The following SYNE2 variants were observed in gnomAD, a reference collection of about 807,000 sequenced individuals.
The protein encoded by SYNE2 is nesprin-2.
Under a neutral mutation model 856.3 loss-of-function variants are expected in SYNE2, and 431 were observed. That is an observed-to-expected ratio of 0.50 (90% CI 0.47 to 0.55). The LOEUF (loss-of-function observed/expected upper bound fraction) is 0.55, where lower values mean the gene tolerates loss of function less well. Ranked by LOEUF, SYNE2 falls within the 20% of genes least tolerant of loss-of-function variation. The probability of loss-of-function intolerance (pLI) is 0.00; values close to 1 mark genes in which losing one functional copy is unlikely to be tolerated. For missense variants in SYNE2, 8,129 were observed against 8,023.2 expected, an observed-to-expected ratio of 1.01 and a Z score of -0.50; for synonymous variants, 2,923 against 2,872.3, an observed-to-expected ratio of 1.02 and a Z score of -0.56.
At chr14:64,122,253 T>C (rs771745238) in intron 69 of SYNE2, 33 bp from the exon 70 acceptor site, 1 of 1,614,200 alleles carries the variant, frequency 6.2e-7, no homozygotes, top group Non-Finnish European at 8.5e-7. Context: ...TTAGTGTTGA[T>C]TATTCTCTTC....
At chr14:63,803,355 A>G (rs1888232850) in intron 1 of SYNE2, among the ~76,000 whole-genome samples, 1 of 152,162 alleles carries the variant, frequency 6.6e-6, no homozygotes, top group Non-Finnish European at 1.5e-5. Context: ...ACAGGAGCCC[A>G]TGGAGTGGGT....
intron 1 of SYNE2, among the ~76,000 whole-genome samples, chr14:63,788,919 T>C (rs534954053): frequency 4.7e-4 from 71 of 152,340 alleles, no homozygotes; most frequent in African/African-American, 1.6e-3. Context: ...CCCATGTTTA[T>C]TGCAGCACTG....
intron 1 of SYNE2, among the ~76,000 whole-genome samples, chr14:63,866,355 T>C (rs1183057859): frequency 6.6e-6 from 1 of 152,208 alleles, no homozygotes; most frequent in Non-Finnish European, 1.5e-5. Flanking sequence ...TACTAAGATT[T>C]GCATCTGTTT....
intron 19 of SYNE2, among the ~76,000 whole-genome samples, chr14:63,989,519 G>A (rs2096651115): frequency 6.6e-6 from 1 of 152,080 alleles, no homozygotes; most frequent in Non-Finnish European, 1.5e-5. Context: ...TGTATTTTTA[G>A]TAGAGGCTGG....
intron 21 of SYNE2, among the ~76,000 whole-genome samples, chr14:63,992,582 C>G (rs1352763699): frequency 1.3e-5 from 2 of 152,158 alleles, no homozygotes; most frequent in Non-Finnish European, 2.9e-5. Context: ...TGCCCAGCTT[C>G]TTGGCTCCTT....
Position 64,001,997 on chromosome 14 carries a change from C to G in SYNE2, c.3702C>G (p.Leu1234=), listed in dbSNP as rs2096758679. ...VLPVEKASLL[L]CGSDLPLHKM... is the part of the protein sequence containing the mutation. ...CTGTAGAGAAGGCATCACTTCTTCTCTGTGGCTCGGACCTGCCTCTCCATA... is the reference window on the plus strand; with the variant it reads ...CTGTAGAGAAGGCATCACTTCTTCTGTGTGGCTCGGACCTGCCTCTCCATA... The change falls in exon 29 of 116, where the codon CTC becomes CTG. Residue 1234 remains leucine, a synonymous_variant. Coordinates refer to ENST00000555002, the MANE Select transcript of SYNE2 (RefSeq NM_182914.3). 1 of 1,613,978 alleles carries G rather than the reference C, an allele frequency of 6.2e-7. No individual in the cohort carries two copies. The highest frequency in any genetic ancestry group is 8.5e-7 in the Non-Finnish European group (1 of 1,179,962).
chr14:64,152,244 G>T (rs900807203), intron 84 of SYNE2, among the ~76,000 whole-genome samples: 2 of 152,166 alleles, frequency 1.3e-5, no homozygotes, highest in Non-Finnish European at 2.9e-5. Flanking sequence ...AGAAAATGGA[G>T]ACTGAAAGGT....
chr14:63,994,970 T>C, intron 22 of SYNE2, 74 bp from the exon 23 acceptor site: 1 of 1,010,884 alleles, frequency 9.9e-7, no homozygotes, highest in Non-Finnish European at 1.4e-6. Context: ...TACACATATA[T>C]TTATTGTTAC....
At chr14:64,219,612 C>T (rs1381369728) in intron 110 of SYNE2, among the ~76,000 whole-genome samples, 1 of 152,166 alleles carries the variant, frequency 6.6e-6, no homozygotes, top group Non-Finnish European at 1.5e-5. Flanking sequence ...AGAGTATCTG[C>T]AAATGATCCT....
At position 63,999,489 on chromosome 14, in the gene SYNE2, A is replaced by G. The variant is rs187118911; in HGVS notation, c.3480+449A>G. Among the ~76,000 whole-genome samples the G allele has an allele frequency of 1.4e-4, 21 of 152,314 alleles. 1 individual carries two copies. The highest frequency in any genetic ancestry group is 1.3e-3 in the Admixed American group (20 of 15,306). ...ATCACATTGTCTAAAATTGCTGTAC[A>G]GTGATTGCTGACTGTCTGATGTTGG... On this transcript the variant is annotated intron_variant, in intron 27 of 115. Coordinates refer to ENST00000555002, the MANE Select transcript of SYNE2 (RefSeq NM_182914.3).
At chr14:64,022,705 A>C (rs775317563) in intron 37 of SYNE2, 46 bp from the exon 38 acceptor site, 1 of 944,978 alleles carries the variant, frequency 1.1e-6, no homozygotes, top group Admixed American at 1.9e-5. Context: ...AACAAGATGT[A>C]TGAAGTCTTC....
intron 41 of SYNE2, 87 bp downstream of exon 41, chr14:64,025,508 T>C: frequency 7.6e-7 from 1 of 1,308,008 alleles, no homozygotes; most frequent in Non-Finnish European, 1.1e-6. Flanking sequence ...ATGTGCTTCT[T>C]AATGGAAAAT....
At chr14:63,840,445 TCCTTCCTC>T (rs71120300) in intron 1 of SYNE2, among the ~76,000 whole-genome samples, 13,160 of 54,184 alleles carry the variant, frequency 0.24, 784 homozygotes, top group South Asian at 0.37. Context: ...CTTCCTTCCT[TCCTTCCTC>T]CCTCCCTCCC....
chr14:64,185,937 A>G (rs755309312), intron 96 of SYNE2, among the ~76,000 whole-genome samples: 2 of 152,256 alleles, frequency 1.3e-5, no homozygotes, highest in Non-Finnish European at 2.9e-5. Flanking sequence ...TATTTTCAAA[A>G]GTTAACCAAA....
chr14:64,006,933 A>T, intron 30 of SYNE2, 110 bp from the exon 31 acceptor site: 3 of 844,648 alleles, frequency 3.6e-6, no homozygotes, highest in Non-Finnish European at 4.0e-6. Context: ...TTTTGGCATT[A>T]ACCACATGAG....
intron 1 of SYNE2, among the ~76,000 whole-genome samples, chr14:63,874,758 G>A (rs577398529): frequency 7.9e-5 from 12 of 152,182 alleles, no homozygotes; most frequent in Admixed American, 2.6e-4. Context: ...TAAAAGTTTG[G>A]AAAACAAGCT....
intron 76 of SYNE2, among the ~76,000 whole-genome samples, chr14:64,130,812 G>T (rs980306429): frequency 4.0e-5 from 6 of 151,466 alleles, no homozygotes; most frequent in Admixed American, 2.0e-4. Flanking sequence ...TTAAACTCAG[G>T]AGGCGGAGGT....
chr14:64,026,588 T>C lies in SYNE2; in HGVS notation c.6262T>C (p.Leu2088=). 1 of 1,613,126 alleles carries C rather than the reference T, an allele frequency of 6.2e-7. No homozygotes were observed. The part of the protein sequence containing the change: ...ERIQKIKEII[L]LKPEGDARIE... Reference sequence around the variant, plus strand: ...CTTTTATTTAATTCAGGAAATCATTTTGCTGAAGCCTGAAGGGGATGCCAG... The same window carrying C: ...CTTTTATTTAATTCAGGAAATCATTCTGCTGAAGCCTGAAGGGGATGCCAG... The change falls in exon 42 of 116, where the codon TTG becomes CTG. Residue 2088 remains leucine, a synonymous_variant. Transcript: ENST00000555002.
intron 113 of SYNE2, 54 bp downstream of exon 113, chr14:64,223,434 G>C: frequency 6.3e-7 from 1 of 1,594,690 alleles, no homozygotes. Flanking sequence ...CATGCAGACA[G>C]GACAGCAGTG....
Sources: allele counts gnomAD v4.1 joint callset (sites outside exome capture counted in the v4.1 genomes callset), GRCh38; gene constraint gnomAD v4.1.1; transcripts MANE v1.5; gene names NCBI Gene and HGNC (gene_info 2026-07-23, HGNC 2026-07-21).